The following WEE2 variants were observed in gnomAD, a reference collection of about 807,000 sequenced individuals.
WEE2 encodes the protein wee1-like protein kinase 2.
A neutral mutation model predicts 60.1 loss-of-function variants in WEE2; 50 were observed. The observed-to-expected ratio is 0.83, with a 90% CI of 0.66 to 1.05. The LOEUF (loss-of-function observed/expected upper bound fraction) is 1.05, where lower values mean the gene tolerates loss of function less well. Among genes scored for constraint, WEE2 ranks in the 50% least tolerant of loss-of-function variants. The probability of loss-of-function intolerance (pLI) is 0.00; values close to 1 mark genes in which losing one functional copy is unlikely to be tolerated. For missense variants in WEE2, 631 were observed against 684.3 expected (o/e 0.92, Z 0.87); for synonymous variants, 240 against 241.0 (o/e 1.00, Z 0.04).
chr7:141,714,220 C>A lies in WEE2; in HGVS notation c.354C>A (p.Ser118Arg). The A allele has an allele frequency of 6.2e-7, 1 of 1,611,032 alleles. No homozygotes were observed. The highest frequency in any genetic ancestry group is 1.1e-5 in the South Asian group (1 of 90,380). ...TCATCCTCATTCAGACCATGCTGAG[C>A]CGGTTGGTGATTTCTCCAACAGGGA... ...DSPSTPKTMLSRLVISPTGKL... is the reference protein window; with the variant it reads ...DSPSTPKTMLRRLVISPTGKL... Residue 118 changes from serine to arginine, a missense_variant, in exon 2 of 12, where the codon AGC becomes AGA. Physicochemically the swap from Ser to Arg is moderately radical, Grantham distance 110. Coordinates refer to ENST00000397541, the MANE Select transcript of WEE2 (RefSeq NM_001105558.1).
intron 1 of WEE2, among the ~76,000 whole-genome samples, chr7:141,713,967 G>A (rs1798749284): frequency 6.6e-6 from 1 of 152,148 alleles, no homozygotes; most frequent in South Asian, 2.1e-4. Context: ...GAAGGGGTTG[G>A]AGCTTGACTA....
At chr7:141,725,287 G>GT (rs1798994127) in intron 9 of WEE2, 91 bp downstream of exon 9, 1 of 1,395,604 alleles carries the variant, frequency 7.2e-7, no homozygotes, top group African/African-American at 1.4e-5. Context: ...GGAGATGCTA[G>GT]TAGTGTCACT....
At chr7:141,725,548 C>G (rs1254381343) in intron 9 of WEE2, among the ~76,000 whole-genome samples, 1 of 151,484 alleles carries the variant, frequency 6.6e-6, no homozygotes, top group Non-Finnish European at 1.5e-5. Flanking sequence ...TGTCTTGAAC[C>G]CAGGAGACAG....
Position 141,725,152 on chromosome 7 carries a change from G to T in WEE2, c.1348G>T (p.Asp450Tyr). Residue 450 changes from aspartate to tyrosine, a missense_variant, in exon 9 of 12, where the codon GAC becomes TAC. Transcript: ENST00000397541. Reference sequence around the variant, plus strand: ...CCATATCCGCAAGGGTAACTTTCCGGACGTTCCTCAGGAGCTCTCAGAAAG... The same window carrying T: ...CCATATCCGCAAGGGTAACTTTCCGTACGTTCCTCAGGAGCTCTCAGAAAG... ...WHHIRKGNFP[D>Y]VPQELSESFS... 1 of 1,614,210 alleles carries T rather than the reference G, an allele frequency of 6.2e-7. No homozygotes were observed. The highest frequency in any genetic ancestry group is 8.5e-7 in the Non-Finnish European group (1 of 1,180,030).
chr7:141,729,614 G>T lies in WEE2; in HGVS notation c.1619G>T (p.Gly540Val), dbSNP rs765097753. Residue 540 changes from glycine to valine, a missense_variant, in exon 11 of 12, where the codon GGA (glycine) becomes GTA (valine). By Grantham distance (109) the Gly-to-Val change is moderately radical (BLOSUM62 -3). Coordinates refer to ENST00000397541, the MANE Select transcript of WEE2 (RefSeq NM_001105558.1). Reference sequence around the variant, plus strand: ...ACTGGGGTCTCTGGGACCCACACAGGATCAAGAAGCACAAAACGCCTGGTG... The same window carrying T: ...ACTGGGGTCTCTGGGACCCACACAGTATCAAGAAGCACAAAACGCCTGGTG... ...GDTGVSGTHT[G>V]SRSTKRLVGG... 3.7e-6 allele frequency: 6 copies of T among 1,613,948 alleles called. No homozygotes were observed. Among genetic ancestry groups the T allele is most frequent in the Non-Finnish European group, 5.1e-6 (6 of 1,180,008 alleles).
At chr7:141,717,428 A>T (rs1448149562) in intron 3 of WEE2, among the ~76,000 whole-genome samples, 1 of 152,186 alleles carries the variant, frequency 6.6e-6, no homozygotes, top group Non-Finnish European at 1.5e-5. Flanking sequence ...TTTATTCCTC[A>T]CTTATTTTAT....
At position 141,724,601 on chromosome 7, in the gene WEE2, T is replaced by C. The variant is rs550154343; in HGVS notation, c.1221+326T>C. On this transcript the variant is annotated intron_variant, in intron 8 of 11. Coordinates refer to ENST00000397541, the MANE Select transcript of WEE2 (RefSeq NM_001105558.1). ...CCACATTGGTCCAATCAATCTATCA[T>C]GCCATTATCCTTCTGATAGCACCAC... is the stretch of plus-strand genomic sequence containing the variant. Among the ~76,000 whole-genome samples the C allele has an allele frequency of 1.4e-4, 21 of 152,360 alleles. No individual in the cohort carries two copies. In the South Asian group the frequency reaches 2.9e-3, roughly 21 times the overall value.
At chr7:141,714,556 G>T in intron 2 of WEE2, 151 bp downstream of exon 2, 1 of 605,284 alleles carries the variant, frequency 1.7e-6, no homozygotes, top group East Asian at 2.9e-5. Context: ...TATCAATGCT[G>T]GTTTTACCTG....
chr7:141,714,240 C>T lies in WEE2; in HGVS notation c.374C>T (p.Thr125Ile). 1 of 1,612,628 alleles carries T rather than the reference C, an allele frequency of 6.2e-7. No homozygotes were observed. The highest frequency in any genetic ancestry group is 2.2e-5 in the East Asian group (1 of 44,878). The change falls in exon 2 of 12, where the codon ACA becomes ATA. Residue 125 changes from threonine (T) to isoleucine (I), a missense_variant. By Grantham distance (89) the Thr-to-Ile change is moderately conservative. Coordinates refer to ENST00000397541, the MANE Select transcript of WEE2 (RefSeq NM_001105558.1). ...CTGAGCCGGTTGGTGATTTCTCCAA[C>T]AGGGAAGCTTCCTTCCAGAGGCCCT... The part of the protein sequence containing the change: ...TMLSRLVISP[T>I]GKLPSRGPKH...
At chr7:141,715,770 C>T (rs1466201151) in intron 2 of WEE2, among the ~76,000 whole-genome samples, 2 of 152,140 alleles carry the variant, frequency 1.3e-5, no homozygotes, top group Non-Finnish European at 2.9e-5. Context: ...AGACCTGGCT[C>T]CAAGTCCCAG....
rs34460684 is a variant in WEE2, at chr7:141,725,624, CAAA to C, written c.1392+445_1392+447del. On this transcript the variant is annotated intron_variant, in intron 9 of 11. Transcript: ENST00000397541. ...TGGGCGACAGAGCGAGACTCCGTCT[CAAA>C]AAAAAAAAAAAAAAAAGCAGGCAGC... 1.6e-3 allele frequency among the ~76,000 whole-genome samples: 157 copies of C among 101,236 alleles called. 1 individual carries two copies. Among genetic ancestry groups the C allele is most frequent in the Middle Eastern group, 9.7e-3 (2 of 206 alleles). 66.4% of individuals were successfully genotyped at this position (101,236 alleles called of 152,430 possible). A position where few individuals can be genotyped will look rare whatever the true frequency, so the allele number is the denominator to read the frequency against.
At chr7:141,723,364 A>G (rs1798953430) in intron 6 of WEE2, 84 bp downstream of exon 6, 1 of 1,451,554 alleles carries the variant, frequency 6.9e-7, no homozygotes, top group Non-Finnish European at 9.4e-7. Flanking sequence ...ATGTCTATCA[A>G]GTGTCAAGGA....
rs761950313 is a variant in WEE2 at position 141,708,909 on chromosome 7, G to A, written c.151G>A (p.Ala51Thr). 4 of 1,614,168 alleles carry A rather than the reference G, an allele frequency of 2.5e-6. No homozygotes were observed. The highest frequency in any genetic ancestry group is 3.3e-5 in the Admixed American group (2 of 60,022). ...PEKGEVQDSE[A>T]KGTPPWTPLS... ...GAAGGGTGAAGTGCAGGATTCAGAGGCAAAGGGTACACCACCTTGGACTCC... is the reference window on the plus strand; with the variant it reads ...GAAGGGTGAAGTGCAGGATTCAGAGACAAAGGGTACACCACCTTGGACTCC... The change falls in exon 1 of 12, where the codon GCA (alanine) becomes ACA (threonine). Residue 51 changes from alanine (A) to threonine (T), a missense_variant. Coordinates refer to ENST00000397541, the MANE Select transcript of WEE2 (RefSeq NM_001105558.1).
At chr7:141,719,042 T>C in intron 3 of WEE2, 30 bp from the exon 4 acceptor site, 3 of 1,602,854 alleles carry the variant, frequency 1.9e-6, no homozygotes, top group Non-Finnish European at 2.6e-6. Flanking sequence ...GTAGAATTAC[T>C]CTAATTTCCT....
intron 2 of WEE2, 28 bp from the exon 3 acceptor site, chr7:141,716,194 T>C: frequency 6.3e-7 from 1 of 1,596,820 alleles, no homozygotes; most frequent in South Asian, 1.1e-5. Context: ...TAATTATATA[T>C]TGATAAACTT....
In WEE2 at chr7:141,714,193, T is replaced by C; in HGVS notation, c.343-16T>C. The C allele has an allele frequency of 6.3e-7, 1 of 1,588,076 alleles. No homozygotes were observed. Among genetic ancestry groups the C allele is most frequent in the Non-Finnish European group, 8.5e-7 (1 of 1,171,454 alleles). On this transcript the variant is annotated splice_polypyrimidine_tract_variant and intron_variant, in intron 1 of 11. Transcript: ENST00000397541. ...ACTAATGCTATTATGACTTGCCTTT[T>C]GTCATCCTCATTCAGACCATGCTGA...
intron 5 of WEE2, 117 bp from the exon 6 acceptor site, chr7:141,723,017 A>ATATC: frequency 7.5e-7 from 1 of 1,337,188 alleles, no homozygotes; most frequent in Non-Finnish European, 1.0e-6. Context: ...TGGGGCTTTG[A>ATATC]TATCTGCAGG....
At chr7:141,709,180 T>C (rs932761570) in intron 1 of WEE2, 80 bp downstream of exon 1, 8 of 1,162,070 alleles carry the variant, frequency 6.9e-6, no homozygotes, top group Non-Finnish European at 8.8e-6. Context: ...AGTGGATTCA[T>C]GTGTGTATGA....
At position 141,711,803 on chromosome 7, in the gene WEE2, G is replaced by A. The variant is rs1435076033; in HGVS notation, c.343-2406G>A. Reference sequence around the variant, plus strand: ...AAGCATATTGCCTGTATCTGCTTCTGGTGAGGGCCTCAGGAAGTTGACAGT... The same window carrying A: ...AAGCATATTGCCTGTATCTGCTTCTAGTGAGGGCCTCAGGAAGTTGACAGT... On this transcript the variant is annotated intron_variant, in intron 1 of 11. Coordinates refer to ENST00000397541, the MANE Select transcript of WEE2 (RefSeq NM_001105558.1). The surrounding 1 kb of genome is among the most constrained non-coding windows in gnomAD (Gnocchi z 4.2). 2 of 152,210 alleles carry A rather than the reference G, an allele frequency of 1.3e-5. No individual in the cohort carries two copies. The highest frequency in any genetic ancestry group is 4.8e-5 in the African/African-American group (2 of 41,450). The allele number at this position is 152,210 out of a possible 1,614,324, so 9.4% of individuals were successfully genotyped here. A position where few individuals can be genotyped will look rare whatever the true frequency, so the allele number is the denominator to read the frequency against.
Sources: allele counts gnomAD v4.1 joint callset (sites outside exome capture counted in the v4.1 genomes callset), GRCh38; gene constraint gnomAD v4.1.1; non-coding constraint Gnocchi (gnomAD v3.1); transcripts MANE v1.5; gene names NCBI Gene and HGNC (gene_info 2026-07-23, HGNC 2026-07-21).